Variants in CACNA2D3 observed in about 807,000 individuals in gnomAD.
CACNA2D3 encodes the protein calcium voltage-gated channel auxiliary subunit alpha2delta 3, also known as voltage-dependent calcium channel subunit alpha-2/delta-3.
CACNA2D3 carries 60 observed loss-of-function variants against 160.6 expected under a neutral mutation model. The ratio of observed to expected loss-of-function variants is 0.37; its 90% CI spans 0.30 to 0.46. The LOEUF (loss-of-function observed/expected upper bound fraction) is 0.46. CACNA2D3 is among the 20% of genes least tolerant of loss of function. CACNA2D3 has a pLI of 1.00. For missense variants in CACNA2D3, 1,205 were observed against 1,365.0 expected (o/e 0.88, Z 1.85); for synonymous variants, 558 against 492.9 (o/e 1.13, Z -1.75).
chr3:54,261,261 AAACCTTTAGG>A (rs1357954016), intron 2 of CACNA2D3, among the ~76,000 whole-genome samples: 1 of 152,212 alleles, frequency 6.6e-6, no homozygotes, highest in Non-Finnish European at 1.5e-5. Flanking sequence ...AATCCTTACA[AAACCTTTAGG>A]AACCGAGAAT....
intron 2 of CACNA2D3, among the ~76,000 whole-genome samples, chr3:54,167,419 C>T (rs1019978145): frequency 3.3e-5 from 5 of 152,132 alleles, no homozygotes; most frequent in South Asian, 2.1e-4. Context: ...CCAGCGGGTT[C>T]CTTATACCCA....
intron 4 of CACNA2D3, among the ~76,000 whole-genome samples, chr3:54,430,529 G>A (rs562265435): frequency 5.9e-5 from 9 of 152,286 alleles, no homozygotes; most frequent in African/African-American, 1.9e-4. Flanking sequence ...TTTGATTAAA[G>A]TTTTCAACTC....
intron 2 of CACNA2D3, among the ~76,000 whole-genome samples, chr3:54,163,599 C>T (rs986157957): frequency 6.6e-6 from 1 of 152,292 alleles, no homozygotes; most frequent in African/African-American, 2.4e-5. Flanking sequence ...GTGATTAATT[C>T]TCTCACAGGG....
intron 13 of CACNA2D3, among the ~76,000 whole-genome samples, chr3:54,765,763 A>C (rs1438811240): frequency 6.6e-6 from 1 of 152,228 alleles, no homozygotes; most frequent in Admixed American, 6.5e-5. Context: ...ACATTATGGT[A>C]GTAGCACCTG....
intron 9 of CACNA2D3, among the ~76,000 whole-genome samples, chr3:54,627,248 A>G (rs1336305156): frequency 6.6e-6 from 1 of 152,220 alleles, no homozygotes; most frequent in Non-Finnish European, 1.5e-5. Flanking sequence ...GGTGGATCTG[A>G]GTACCTGATG....
At chr3:54,491,944 ACTTT>A (rs1390286615) in intron 4 of CACNA2D3, among the ~76,000 whole-genome samples, 6 of 152,132 alleles carry the variant, frequency 3.9e-5, no homozygotes, top group African/African-American at 1.4e-4. Flanking sequence ...AGACCTGGAA[ACTTT>A]CTCAACACGC....
chr3:54,499,684 A>G (rs538005576), intron 4 of CACNA2D3, among the ~76,000 whole-genome samples: 22 of 151,986 alleles, frequency 1.4e-4, no homozygotes, highest in Admixed American at 6.5e-4. Flanking sequence ...ATATTTTGGG[A>G]TTTTTTTCAG....
chr3:54,356,360 T>C (rs572773979), intron 3 of CACNA2D3, among the ~76,000 whole-genome samples: 4 of 152,316 alleles, frequency 2.6e-5, no homozygotes, highest in African/African-American at 9.6e-5. Context: ...TCAGCTTTGC[T>C]TTTTCTCTTT....
intron 11 of CACNA2D3, among the ~76,000 whole-genome samples, chr3:54,686,913 TGTTA>T (rs1025152178): frequency 6.6e-6 from 1 of 152,084 alleles, no homozygotes; most frequent in Admixed American, 6.6e-5. Context: ...TATAAAATAT[TGTTA>T]GTTTTTCAAA....
At chr3:54,669,253 TAGTC>T (rs1007727937) in intron 11 of CACNA2D3, among the ~76,000 whole-genome samples, 5 of 152,198 alleles carry the variant, frequency 3.3e-5, no homozygotes, top group South Asian at 2.1e-4. Context: ...GCAAACCACA[TAGTC>T]AGTCCTGGGT....
chr3:54,358,498 T>C (rs1252996997), intron 3 of CACNA2D3, among the ~76,000 whole-genome samples: 2 of 152,202 alleles, frequency 1.3e-5, no homozygotes, highest in African/African-American at 4.8e-5. Context: ...TTTCATCATC[T>C]GTAAAATTAG....
chr3:55,006,431 A>G (rs1368816494), intron 32 of CACNA2D3, among the ~76,000 whole-genome samples: 2 of 152,174 alleles, frequency 1.3e-5, no homozygotes, highest in African/African-American at 4.8e-5. Flanking sequence ...AGCAGATACA[A>G]AGACACAACA....
At chr3:54,348,173 T>G (rs1698491991) in intron 3 of CACNA2D3, among the ~76,000 whole-genome samples, 1 of 152,166 alleles carries the variant, frequency 6.6e-6, no homozygotes, top group Non-Finnish European at 1.5e-5. Flanking sequence ...CTGACAGTAA[T>G]CCAGTTTTCT....
chr3:54,267,218 A>G (rs544973181), intron 2 of CACNA2D3, among the ~76,000 whole-genome samples: 4 of 152,292 alleles, frequency 2.6e-5, no homozygotes, highest in South Asian at 2.1e-4. Flanking sequence ...GTGTGTTTCT[A>G]CCTTTTACAA....
At chr3:54,687,135 G>GTTTTTTTTTTTT (rs1290353261) in intron 11 of CACNA2D3, among the ~76,000 whole-genome samples, 3 of 88,896 alleles carry the variant, frequency 3.4e-5, no homozygotes, top group African/African-American at 4.4e-5. Flanking sequence ...TTTTTTTTTT[G>GTTTTTTTTTTTT]TTTTTTTTTT....
intron 13 of CACNA2D3, among the ~76,000 whole-genome samples, chr3:54,781,482 T>C (rs550360422): frequency 6.6e-5 from 10 of 152,334 alleles, no homozygotes; most frequent in Admixed American, 1.3e-4. Flanking sequence ...ATCAGTGTTC[T>C]AGGGACACTT....
intron 29 of CACNA2D3, among the ~76,000 whole-genome samples, chr3:54,984,003 C>T (rs1466735415): frequency 6.6e-6 from 1 of 152,088 alleles, no homozygotes; most frequent in East Asian, 1.9e-4. Flanking sequence ...AGCTAACGGC[C>T]CTGCCCCCAA....
At chr3:54,329,168 T>C (rs1420292249) in intron 3 of CACNA2D3, among the ~76,000 whole-genome samples, 1 of 152,186 alleles carries the variant, frequency 6.6e-6, no homozygotes, top group African/African-American at 2.4e-5. Context: ...CATTTCTTCT[T>C]CATTTTTATT....
At chr3:54,654,358 C>G (rs1416832394) in intron 11 of CACNA2D3, among the ~76,000 whole-genome samples, 2 of 152,094 alleles carry the variant, frequency 1.3e-5, no homozygotes, top group African/African-American at 4.8e-5. Context: ...CCAGAAGTGC[C>G]ACTCAGTGTG....
Sources: allele counts gnomAD v4.1 joint callset (sites outside exome capture counted in the v4.1 genomes callset), GRCh38; gene constraint gnomAD v4.1.1; transcripts MANE v1.5; gene names NCBI Gene and HGNC (gene_info 2026-07-23, HGNC 2026-07-21).